The following CEP55 variants were observed in gnomAD, a reference collection of about 807,000 sequenced individuals.
CEP55 encodes the protein centrosomal protein 55.
Under a neutral mutation model 63.2 loss-of-function variants are expected in CEP55, and 57 were observed. That is an observed-to-expected ratio of 0.90 (90% CI 0.73 to 1.13). CEP55 has a LOEUF of 1.13. Ranked by LOEUF, CEP55 falls within the 50% of genes most tolerant of loss-of-function variation. The pLI is 0.00. For missense variants in CEP55, 456 were observed against 518.9 expected (o/e 0.88, Z 1.18); for synonymous variants, 178 against 191.6 (o/e 0.93, Z 0.59).
chr10:93,501,667 C>CAA (rs1266909831), intron 2 of CEP55, among the ~76,000 whole-genome samples: 1 of 143,924 alleles, frequency 6.9e-6, no homozygotes, highest in African/African-American at 2.6e-5. Context: ...ACTTCTGTCT[C>CAA]AAAAAAAAAA....
chr10:93,515,327 A>T (rs1228909279), intron 4 of CEP55, 78 bp from the exon 5 acceptor site: 2 of 1,345,956 alleles, frequency 1.5e-6, no homozygotes, highest in African/African-American at 2.9e-5. Context: ...AAAAGACTAC[A>T]TCACTTGGAC....
At chr10:93,512,226 CA>C (rs554234979) in intron 4 of CEP55, among the ~76,000 whole-genome samples, 29 of 120,218 alleles carry the variant, frequency 2.4e-4, no homozygotes, top group South Asian at 1.1e-3. Flanking sequence ...GACTCCGTTT[CA>C]AAAAAAAAAA....
chr10:93,498,294 T>C (rs2057595902), intron 1 of CEP55, among the ~76,000 whole-genome samples: 1 of 152,124 alleles, frequency 6.6e-6, no homozygotes, highest in Non-Finnish European at 1.5e-5. Context: ...GTGCAAAGGT[T>C]AGGAAGCAGA....
In CEP55 at chr10:93,519,730, C is replaced by G. The variant is rs868261687; in HGVS notation, c.1114C>G (p.His372Asp). 3 of 1,614,124 alleles carry G rather than the reference C, an allele frequency of 1.9e-6. No individual in the cohort carries two copies. The highest frequency in any genetic ancestry group is 2.5e-6 in the Non-Finnish European group (3 of 1,179,994). ...DFENEKLDRQHVQHQLHVILK... is the reference protein window; with the variant it reads ...DFENEKLDRQDVQHQLHVILK... ...TGAAAATGAAAAACTCGACCGTCAA[C>G]ATGTGCAGCATCAATTGCATGTAAT... The change falls in exon 8 of 9, where the codon CAT becomes GAT. Residue 372 changes from histidine (H) to aspartate (D), a missense_variant. His to Asp is a moderately conservative substitution (Grantham distance 81, BLOSUM62 -1). Transcript: ENST00000371485.
intron 7 of CEP55, chr10:93,519,261 A>G (rs899887795): frequency 7.2e-6 from 3 of 415,900 alleles, no homozygotes; most frequent in Non-Finnish European, 1.3e-5. Flanking sequence ...ATGTCTCCTA[A>G]GTAGGGCTAC....
rs2057697854 is a variant in CEP55 at position 93,507,187 on chromosome 10, T to C, written c.528+131T>C. On this transcript the variant is annotated intron_variant, in intron 4 of 8. Coordinates refer to ENST00000371485, the MANE Select transcript of CEP55 (RefSeq NM_018131.5). ...TTTGAGAGCTTCATTTAAGTCTCTT[T>C]CTATACATTCGAGAATCATTTCTTC... 3 of 581,364 alleles carry C rather than the reference T, an allele frequency of 5.2e-6. No individual in the cohort carries two copies. In the South Asian group the frequency reaches 6.3e-5, roughly 12 times the overall value. The allele number at this position is 581,364 out of a possible 1,614,324, so 36.0% of individuals were successfully genotyped here.
At chr10:93,519,101 A>G in intron 7 of CEP55, 153 bp downstream of exon 7, 1 of 565,154 alleles carries the variant, frequency 1.8e-6, no homozygotes, top group Non-Finnish European at 3.2e-6. Context: ...AATAAAAAAG[A>G]TATTTCAAGA....
In CEP55 at chr10:93,528,213, G is replaced by C. The variant is rs2057944691; in HGVS notation, c.*60G>C. ...AATACTGTATTTTCTGTTAGCTTGT[G>C]GGCATTTTGAATTATATATTTCACA... On this transcript the variant is annotated 3_prime_UTR_variant, in exon 9 of 9. Coordinates refer to ENST00000371485, the MANE Select transcript of CEP55 (RefSeq NM_018131.5). 4 of 1,447,140 alleles carry C rather than the reference G, an allele frequency of 2.8e-6. No individual in the cohort carries two copies. The South Asian group carries it at 3.5e-5, about 13-fold the overall frequency. The allele number at this position is 1,447,140 out of a possible 1,614,324, so 89.6% of individuals were successfully genotyped here. A position where few individuals can be genotyped will look rare whatever the true frequency, so the allele number is the denominator to read the frequency against.
chr10:93,515,311 TG>T, intron 4 of CEP55, 93 bp from the exon 5 acceptor site: 1 of 1,170,702 alleles, frequency 8.5e-7, no homozygotes. Context: ...ATAGAGTTTT[TG>T]TTGGAAAAGA....
chr10:93,505,659 G>A (rs1295384169), intron 3 of CEP55, among the ~76,000 whole-genome samples: 1 of 152,144 alleles, frequency 6.6e-6, no homozygotes, highest in East Asian at 1.9e-4. Flanking sequence ...ATTTTTTTGA[G>A]CTTCTTTGCC....
chr10:93,515,678 C>A, intron 5 of CEP55, 123 bp downstream of exon 5: 3 of 969,612 alleles, frequency 3.1e-6, no homozygotes, highest in Admixed American at 2.6e-5. Flanking sequence ...AGTCTTATAG[C>A]CCTGAAGTAA....
chr10:93,526,977 A>G (rs2057929852), intron 8 of CEP55, among the ~76,000 whole-genome samples: 1 of 152,184 alleles, frequency 6.6e-6, no homozygotes, highest in Non-Finnish European at 1.5e-5. Context: ...AGATATACCC[A>G]ATGTAAATGA....
chr10:93,507,671 T>A (rs1453601457), intron 4 of CEP55, among the ~76,000 whole-genome samples: 1 of 152,196 alleles, frequency 6.6e-6, no homozygotes, highest in Non-Finnish European at 1.5e-5. Flanking sequence ...CTTTTTGAGA[T>A]GGAGTCTTGC....
At position 93,517,223 on chromosome 10, in the gene CEP55, A is replaced by C; in HGVS notation, c.968A>C (p.Lys323Thr). The change falls in exon 6 of 9, where the codon AAG becomes ACG. Residue 323 changes from lysine to threonine, a missense_variant. Physicochemically the swap from Lys to Thr is moderately conservative, Grantham distance 78. Coordinates refer to ENST00000371485, the MANE Select transcript of CEP55 (RefSeq NM_018131.5). ...IARGKLEEEKKRSEELLSQVQ... is the reference protein window; with the variant it reads ...IARGKLEEEKTRSEELLSQVQ... ...AGGGGAAAACTTGAAGAAGAGAAGA[A>C]GAGATCCGAAGAGCTCTTATCTCAG... is the stretch of plus-strand genomic sequence containing the variant. The C allele has an allele frequency of 6.2e-7, 1 of 1,602,086 alleles. No homozygotes were observed. The highest frequency in any genetic ancestry group is 8.5e-7 in the Non-Finnish European group (1 of 1,174,572).
chr10:93,506,447 T>C (rs149124171), intron 3 of CEP55, among the ~76,000 whole-genome samples: 1 of 152,220 alleles, frequency 6.6e-6, no homozygotes, highest in Non-Finnish European at 1.5e-5. Flanking sequence ...TCAGATTAGA[T>C]AGAAAATCTC....
chr10:93,506,492 T>A (rs1361656668), intron 3 of CEP55, among the ~76,000 whole-genome samples: 2 of 152,118 alleles, frequency 1.3e-5, no homozygotes, highest in Non-Finnish European at 2.9e-5. Flanking sequence ...CTTCAGGGGA[T>A]CTTAATTTTC....
chr10:93,499,311 C>T (rs375233648), intron 1 of CEP55, among the ~76,000 whole-genome samples: 14 of 152,254 alleles, frequency 9.2e-5, no homozygotes, highest in East Asian at 3.9e-4. Context: ...AATGACATTT[C>T]GTGCCTATAT....
intron 1 of CEP55, among the ~76,000 whole-genome samples, chr10:93,499,136 T>C (rs2057605294): frequency 6.6e-6 from 1 of 152,180 alleles, no homozygotes; most frequent in African/African-American, 2.4e-5. Context: ...TTTGGCCCCT[T>C]ATTCTTAATT....
In CEP55 at chr10:93,515,718, T is replaced by C. The variant is rs545411699; in HGVS notation, c.679+163T>C. On this transcript the variant is annotated intron_variant, in intron 5 of 8. Coordinates refer to ENST00000371485, the MANE Select transcript of CEP55 (RefSeq NM_018131.5). ...TACCATTTTTGCAAGTTTTATTTCC[T>C]AACGTTTTCAGATCAAAAGAAAGTA... is the stretch of plus-strand genomic sequence containing the variant. 7.9e-5 allele frequency among the ~76,000 whole-genome samples: 12 copies of C among 152,354 alleles called. No individual in the cohort carries two copies. The South Asian group carries it at 2.3e-3, about 29-fold the overall frequency.
Sources: gnomAD v4.1 joint callset for allele counts (sites outside exome capture counted in the v4.1 genomes callset) on GRCh38, gnomAD v4.1.1 for gene constraint, MANE v1.5 for transcripts, NCBI Gene and HGNC (gene_info 2026-07-23, HGNC 2026-07-21) for gene names.